The following GSE1 variants were observed in gnomAD, a reference collection of about 807,000 sequenced individuals.
GSE1 encodes the protein genetic suppressor element 1.
Under a neutral mutation model 112.6 loss-of-function variants are expected in GSE1, and 32 were observed. The ratio of observed to expected loss-of-function variants is 0.28; its 90% CI spans 0.21 to 0.38. The LOEUF (loss-of-function observed/expected upper bound fraction) is 0.38, where lower values mean the gene tolerates loss of function less well. Ranked by LOEUF, GSE1 falls within the 10% of genes least tolerant of loss-of-function variation. GSE1 has a pLI of 1.00. For missense variants in GSE1, 2,348 were observed against 1,699.2 expected, an observed-to-expected ratio of 1.38 and a Z score of -6.71; for synonymous variants, 1,115 against 735.6, an observed-to-expected ratio of 1.52 and a Z score of -8.35.
chr16:85,273,682 T>C lies in GSE1; in HGVS notation c.2284-83781T>C, dbSNP rs114870987. On this transcript the variant is annotated intron_variant, in intron 1 of 2. Transcript: ENST00000637419. The stretch of plus-strand genomic sequence containing the variant: ...GAAGAGGAGTGACTGCTCATGGGCA[T>C]GGGGTCTCCTTTTTGGTTTTTTTTG... Among the ~76,000 whole-genome samples the C allele has an allele frequency of 9.3e-3, 1,409 of 152,048 alleles. 22 individuals carry two copies. Among genetic ancestry groups the C allele is most frequent in the African/African-American group, 0.032 (1,335 of 41,456 alleles).
At chr16:85,496,608 G>C (rs962811115) in intron 2 of GSE1, among the ~76,000 whole-genome samples, 1 of 152,268 alleles carries the variant, frequency 6.6e-6, no homozygotes, top group Non-Finnish European at 1.5e-5. Flanking sequence ...AAGTGGAATT[G>C]GGGAGAAACT....
At chr16:85,235,197 T>C (rs1223738150) in intron 1 of GSE1, among the ~76,000 whole-genome samples, 6 of 151,936 alleles carry the variant, frequency 3.9e-5, no homozygotes, top group Admixed American at 3.3e-4. Context: ...GGGCTCTCAA[T>C]TACTGAAAGG....
At position 85,636,960 on chromosome 16, in the gene GSE1, G is replaced by T. The variant is rs193122371; in HGVS notation, c.226+2828G>T. 3.3e-5 allele frequency among the ~76,000 whole-genome samples: 5 copies of T among 152,236 alleles called. No homozygotes were observed. In the East Asian group the frequency reaches 9.7e-4, roughly 30 times the overall value. On this transcript the variant is annotated intron_variant, in intron 2 of 15. Coordinates refer to ENST00000253458, the MANE Select transcript of GSE1 (RefSeq NM_014615.5). ...TCCCTGGTGCTACCTCCCCATCTGC[G>T]CCAGAGGGCAGCAGGGGGAACCTTT...
At chr16:85,648,070 G>C (rs904574075) in intron 2 of GSE1, among the ~76,000 whole-genome samples, 2 of 151,578 alleles carry the variant, frequency 1.3e-5, no homozygotes, top group Non-Finnish European at 2.9e-5. Context: ...GGTGGGGCAG[G>C]GTGTGTGGCC....
intron 2 of GSE1, among the ~76,000 whole-genome samples, chr16:85,640,585 AGTGGGGACTACGTGT>A (rs1448511374): frequency 2.0e-5 from 3 of 152,260 alleles, no homozygotes; most frequent in African/African-American, 4.8e-5. Context: ...CACCTGAGTG[AGTGGGGACTACGTGT>A]GCGGGGACCA....
intron 2 of GSE1, among the ~76,000 whole-genome samples, chr16:85,488,005 G>T (rs2050896330): frequency 6.6e-6 from 1 of 152,214 alleles, no homozygotes; most frequent in Admixed American, 6.5e-5. Context: ...TAGCCCCACT[G>T]CCTGGCCATG....
intron 2 of GSE1, among the ~76,000 whole-genome samples, chr16:85,398,036 T>C (rs1279844145): frequency 6.6e-6 from 1 of 152,006 alleles, no homozygotes; most frequent in East Asian, 1.9e-4. Context: ...AGCTTCCAGG[T>C]GATTCTGTGC....
At chr16:85,658,305 G>A (rs1478143549) in intron 8 of GSE1, among the ~76,000 whole-genome samples, 2 of 152,168 alleles carry the variant, frequency 1.3e-5, no homozygotes, top group Non-Finnish European at 2.9e-5. Context: ...AGAGTTGGTG[G>A]GAATGACCTG....
intron 2 of GSE1, among the ~76,000 whole-genome samples, chr16:85,637,892 C>T (rs1340445987): frequency 6.6e-6 from 1 of 152,186 alleles, no homozygotes; most frequent in Non-Finnish European, 1.5e-5. Context: ...CCAGGGCTGC[C>T]TCCTGGCGAC....
rs139890400 is a variant in GSE1 at position 85,213,705 on chromosome 16, C to T, written c.2283+41898C>T. 2.5e-4 allele frequency among the ~76,000 whole-genome samples: 38 copies of T among 152,346 alleles called. No individual in the cohort carries two copies. The East Asian group carries it at 4.8e-3, about 19-fold the overall frequency. On this transcript the variant is annotated intron_variant, in intron 1 of 2. Transcript: ENST00000637419. ...CCAGAGTCTAGAGCCTGGACTCACA[C>T]GCATCAGGGGTGCCCTTGCAGGGAC...
chr16:85,296,826 T>C (rs2045380378), intron 1 of GSE1, among the ~76,000 whole-genome samples: 1 of 137,320 alleles, frequency 7.3e-6, no homozygotes, highest in South Asian at 2.3e-4. Context: ...CATGTAACAG[T>C]CGGGGAGACT....
At chr16:85,496,592 G>A (rs1444327588) in intron 2 of GSE1, among the ~76,000 whole-genome samples, 1 of 152,266 alleles carries the variant, frequency 6.6e-6, no homozygotes, top group Non-Finnish European at 1.5e-5. Flanking sequence ...TGCAGGCTGA[G>A]GGCAGAAGTG....
intron 12 of GSE1, among the ~76,000 whole-genome samples, chr16:85,665,624 G>C (rs1306946939): frequency 6.6e-6 from 1 of 152,228 alleles, no homozygotes; most frequent in African/African-American, 2.4e-5. Context: ...TGCCCTGTCA[G>C]ATGTCAGAGG....
intron 1 of GSE1, among the ~76,000 whole-genome samples, chr16:85,576,592 C>T (rs1036856627): frequency 6.6e-6 from 1 of 152,198 alleles, no homozygotes; most frequent in African/African-American, 2.4e-5. Flanking sequence ...TGTCCCCAGA[C>T]CCTTTCTTCC....
At chr16:85,531,178 G>A (rs1253362988) in intron 2 of GSE1, among the ~76,000 whole-genome samples, 2 of 152,278 alleles carry the variant, frequency 1.3e-5, no homozygotes, top group Non-Finnish European at 2.9e-5. Flanking sequence ...ACATGGGGAA[G>A]GGAAGGAGCA....
chr16:85,271,689 T>A (rs1908851243), intron 1 of GSE1, among the ~76,000 whole-genome samples: 1 of 152,174 alleles, frequency 6.6e-6, no homozygotes, highest in African/African-American at 2.4e-5. Flanking sequence ...ACCAGGGGCC[T>A]GTGATCAGGT....
At chr16:85,272,937 C>T (rs193276800) in intron 1 of GSE1, among the ~76,000 whole-genome samples, 2 of 152,084 alleles carry the variant, frequency 1.3e-5, no homozygotes, top group Non-Finnish European at 1.5e-5. Context: ...CTATTATGCC[C>T]GGCTAACTTT....
chr16:85,610,691 G>C (rs2047930636), upstream of GSE1, among the ~76,000 whole-genome samples: 1 of 152,192 alleles, frequency 6.6e-6, no homozygotes, highest in African/African-American at 2.4e-5. Flanking sequence ...CCCCCCGGCG[G>C]TTGCCGGGGT....
intron 1 of GSE1, among the ~76,000 whole-genome samples, chr16:85,230,943 A>G (rs1904278207): frequency 6.6e-6 from 1 of 151,146 alleles, no homozygotes; most frequent in African/African-American, 2.4e-5. Flanking sequence ...ATGGATGGAC[A>G]GACGGATGGA....
Sources: allele counts gnomAD v4.1 joint callset (sites outside exome capture counted in the v4.1 genomes callset), GRCh38; gene constraint gnomAD v4.1.1; transcripts MANE v1.5; gene names NCBI Gene and HGNC (gene_info 2026-07-23, HGNC 2026-07-21).